Variants in MRPS28 observed in about 807,000 individuals in gnomAD.
MRPS28 encodes small ribosomal subunit protein bS1m.
In MRPS28, 7 loss-of-function variants were observed where a neutral mutation model predicts 10.8. The observed-to-expected ratio is 0.65, with a 90% CI of 0.37 to 1.22. The LOEUF (loss-of-function observed/expected upper bound fraction) is 1.22. Among genes scored for constraint, MRPS28 ranks in the 50% most tolerant of loss-of-function variants. The probability of loss-of-function intolerance (pLI) is 0.02; values close to 1 mark genes in which losing one functional copy is unlikely to be tolerated. For missense variants in MRPS28, 265 were observed against 232.9 expected, an observed-to-expected ratio of 1.14 and a Z score of -0.90; for synonymous variants, 121 against 93.3, an observed-to-expected ratio of 1.30 and a Z score of -1.71.
rs943593754 is a variant in MRPS28 at position 79,921,637 on chromosome 8, C to G, written c.396-2489G>C. Among the ~76,000 whole-genome samples, 6 of 152,248 alleles carry G rather than the reference C, an allele frequency of 3.9e-5. 1 individual carries two copies. Among genetic ancestry groups the G allele is most frequent in the Admixed American group, 6.5e-5 (1 of 15,278 alleles). On this transcript the variant is annotated intron_variant, in intron 2 of 2. Transcript: ENST00000276585. ...TGATTTTTGCACATTGATTTTGTAT[C>G]CTGAGACTTTGCTGAAGTTTCTTAT...
At position 80,006,337 on chromosome 8, in the gene MRPS28, C is replaced by T. The variant is rs866293848; in HGVS notation, c.214-3157G>A. On this transcript the variant is annotated intron_variant, in intron 1 of 2. Transcript: ENST00000276585. ...CAGGATTAAGAAACTCACTCAAAAC[C>T]GCTCAACTACATGGAAACTGAACAA... Among the ~76,000 whole-genome samples the T allele has an allele frequency of 1.8e-4, 28 of 152,276 alleles. No homozygotes were observed. The South Asian group carries it at 4.6e-3, about 25-fold the overall frequency.
intron 2 of MRPS28, among the ~76,000 whole-genome samples, chr8:79,984,786 T>C (rs1045963731): frequency 1.3e-5 from 2 of 152,048 alleles, no homozygotes; most frequent in Non-Finnish European, 2.9e-5. Context: ...AAGTCCTGAG[T>C]GACCTACAAA....
chr8:79,955,100 G>A (rs1261328964), intron 2 of MRPS28, among the ~76,000 whole-genome samples: 1 of 152,150 alleles, frequency 6.6e-6, no homozygotes, highest in Non-Finnish European at 1.5e-5. Context: ...TAAAAGAGTC[G>A]ATAAGGTACT....
chr8:80,019,003 T>C (rs1319258515), intron 1 of MRPS28, among the ~76,000 whole-genome samples: 1 of 152,002 alleles, frequency 6.6e-6, no homozygotes, highest in Non-Finnish European at 1.5e-5. Context: ...GGAAGGGTAT[T>C]GGGGGTTTGT....
chr8:79,918,852 G>T lies in MRPS28; in HGVS notation c.*128C>A. On this transcript the variant is annotated 3_prime_UTR_variant, in exon 3 of 3. Transcript: ENST00000276585. ...ATATTGCTAAAGAAAATTCTAATAA[G>T]AGTTATCTATAATTATAGCTTTTAT... 1 of 673,110 alleles carries T rather than the reference G, an allele frequency of 1.5e-6. No homozygotes were observed. The highest frequency in any genetic ancestry group is 2.2e-6 in the Non-Finnish European group (1 of 458,766). 41.7% of individuals were successfully genotyped at this position (673,110 alleles called of 1,614,324 possible).
At chr8:79,922,715 T>A (rs1419863163) in intron 2 of MRPS28, among the ~76,000 whole-genome samples, 1 of 152,166 alleles carries the variant, frequency 6.6e-6, no homozygotes, top group Non-Finnish European at 1.5e-5. Context: ...TGATACCCAT[T>A]TGCCTTTCTT....
chr8:80,029,947 C>G, intron 1 of MRPS28, 89 bp downstream of exon 1: 1 of 1,539,380 alleles, frequency 6.5e-7, no homozygotes. Context: ...GCTCCCCTTC[C>G]TAAGCCAGGC....
chr8:79,941,885 A>C (rs1054600209), intron 2 of MRPS28, among the ~76,000 whole-genome samples: 4 of 152,224 alleles, frequency 2.6e-5, no homozygotes, highest in African/African-American at 9.6e-5. Flanking sequence ...AAAAGGATTA[A>C]GATGAAAAAA....
At chr8:80,010,488 A>G (rs1298962953) in intron 1 of MRPS28, among the ~76,000 whole-genome samples, 3 of 152,188 alleles carry the variant, frequency 2.0e-5, no homozygotes, top group Admixed American at 2.0e-4. Flanking sequence ...GATAATCAGG[A>G]TATGTGCCCA....
At chr8:79,982,604 G>C (rs1052044587) in intron 2 of MRPS28, among the ~76,000 whole-genome samples, 10 of 152,166 alleles carry the variant, frequency 6.6e-5, no homozygotes, top group African/African-American at 2.4e-4. Flanking sequence ...GGCGCACCAG[G>C]AGATTATATC....
chr8:79,926,092 A>G (rs1182013164), intron 2 of MRPS28, among the ~76,000 whole-genome samples: 1 of 152,150 alleles, frequency 6.6e-6, no homozygotes, highest in African/African-American at 2.4e-5. Context: ...TTATTAAAAA[A>G]CTAAATATTT....
At chr8:79,979,521 T>A (rs1405771945) in intron 2 of MRPS28, among the ~76,000 whole-genome samples, 1 of 152,118 alleles carries the variant, frequency 6.6e-6, no homozygotes, top group African/African-American at 2.4e-5. Flanking sequence ...GAAATTTTTT[T>A]ACTTATTTAT....
chr8:79,945,538 G>A lies in MRPS28; in HGVS notation c.396-26390C>T, dbSNP rs559058396. Among the ~76,000 whole-genome samples, 21 of 152,258 alleles carry A rather than the reference G, an allele frequency of 1.4e-4. No homozygotes were observed. The South Asian group carries it at 3.5e-3, about 26-fold the overall frequency. On this transcript the variant is annotated intron_variant, in intron 2 of 2. Transcript: ENST00000276585. The stretch of plus-strand genomic sequence containing the variant: ...AATGGGTACAGAGTTTCCTTTTGGG[G>A]TAATGAAAATGTTCTAAAACTGGAC...
At chr8:79,974,919 T>G (rs922825371) in intron 2 of MRPS28, among the ~76,000 whole-genome samples, 13 of 152,170 alleles carry the variant, frequency 8.5e-5, no homozygotes, top group African/African-American at 2.9e-4. Context: ...TTCACAAATA[T>G]TACATTTTTT....
rs376795123 is a variant in MRPS28 at position 80,030,080 on chromosome 8, C to G, written c.169G>C (p.Glu57Gln). 44 of 1,610,264 alleles carry G rather than the reference C, an allele frequency of 2.7e-5. No individual in the cohort carries two copies. In the African/African-American group the frequency reaches 5.9e-4, roughly 22 times the overall value. ...TRAGGFASAL[E>Q]RHSELLQKVE... ...TTCTGTAGAAGCTCCGAGTGCCGCT[C>G]CAACGCGCTCGCGAAACCGCCTGCG... The change falls in exon 1 of 3, where the codon GAG becomes CAG. Residue 57 changes from glutamate (E) to glutamine (Q), a missense_variant. By Grantham distance (29) the Glu-to-Gln change is conservative. Coordinates refer to ENST00000276585, the MANE Select transcript of MRPS28 (RefSeq NM_014018.3).
At chr8:79,929,885 T>C (rs998496972) in intron 2 of MRPS28, among the ~76,000 whole-genome samples, 2 of 152,130 alleles carry the variant, frequency 1.3e-5, no homozygotes, top group Admixed American at 6.6e-5. Context: ...GAAAGCCTAA[T>C]AGTTCTCCGA....
At chr8:79,919,886 G>A (rs1191879861) in intron 2 of MRPS28, among the ~76,000 whole-genome samples, 3 of 151,814 alleles carry the variant, frequency 2.0e-5, no homozygotes, top group Admixed American at 6.6e-5. Context: ...CCATGTTGGT[G>A]TGCTGCACCC....
chr8:79,988,222 T>C (rs1808250317), intron 2 of MRPS28, among the ~76,000 whole-genome samples: 1 of 130,838 alleles, frequency 7.6e-6, no homozygotes, highest in African/African-American at 2.9e-5. Flanking sequence ...AATTGAACAA[T>C]GAGAACACAT....
At position 80,006,902 on chromosome 8, in the gene MRPS28, C is replaced by T. The variant is rs1328152658; in HGVS notation, c.214-3722G>A. On this transcript the variant is annotated intron_variant, in intron 1 of 2. Transcript: ENST00000276585. Reference sequence around the variant, plus strand: ...TTTCAATCAATAGAAAAAGAGGGAACCCTCCCTAACTCATTTTATGAGGCC... The same window carrying T: ...TTTCAATCAATAGAAAAAGAGGGAATCCTCCCTAACTCATTTTATGAGGCC... Among the ~76,000 whole-genome samples the T allele has an allele frequency of 5.9e-5, 9 of 152,190 alleles. No homozygotes were observed. In the South Asian group the frequency reaches 6.2e-4, roughly 11 times the overall value.
Sources: gnomAD v4.1 joint callset for allele counts (sites outside exome capture counted in the v4.1 genomes callset) on GRCh38, gnomAD v4.1.1 for gene constraint, MANE v1.5 for transcripts, NCBI Gene and HGNC (gene_info 2026-07-23, HGNC 2026-07-21) for gene names.